Variants in NCOR1 observed in about 807,000 individuals in gnomAD.
NCOR1 encodes the protein nuclear receptor corepressor 1, also known as protein phosphatase 1, regulatory subunit 109.
A neutral mutation model predicts 288.1 loss-of-function variants in NCOR1; 63 were observed. That is an observed-to-expected ratio of 0.22 (90% CI 0.18 to 0.27). The LOEUF is 0.27. Ranked by LOEUF, NCOR1 falls within the 10% of genes least tolerant of loss-of-function variation. The pLI is 1.00. For missense variants in NCOR1, 2,397 were observed against 3,019.2 expected, an observed-to-expected ratio of 0.79 and a Z score of 4.83; for synonymous variants, 1,007 against 1,065.9, an observed-to-expected ratio of 0.94 and a Z score of 1.08.
chr17:16,059,234 A>G (rs571594095), intron 37 of NCOR1, among the ~76,000 whole-genome samples: 6 of 151,448 alleles, frequency 4.0e-5, no homozygotes, highest in African/African-American at 1.2e-4. Context: ...ACTGATTCCA[A>G]TGATTCCAAT....
At chr17:16,171,566 T>C (rs2083145219) in intron 4 of NCOR1, among the ~76,000 whole-genome samples, 1 of 152,194 alleles carries the variant, frequency 6.6e-6, no homozygotes, top group Admixed American at 6.5e-5. Context: ...AATTCTTCTT[T>C]ATGGGAGCAG....
intron 1 of NCOR1, among the ~76,000 whole-genome samples, chr17:16,205,280 C>T (rs184849192): frequency 3.3e-4 from 50 of 150,700 alleles, no homozygotes; most frequent in Non-Finnish European, 5.0e-4. Context: ...CCTGTTAAAA[C>T]GCAATAACCC....
intron 43 of NCOR1, 72 bp downstream of exon 43, chr17:16,040,369 C>T: frequency 8.2e-7 from 1 of 1,226,378 alleles, no homozygotes; most frequent in Non-Finnish European, 1.2e-6. Flanking sequence ...AGTTGGTACT[C>T]AGTACATATT....
In NCOR1 at chr17:16,169,209, G is replaced by A. The variant is rs1463986097; in HGVS notation, c.435+2594C>T. On this transcript the variant is annotated intron_variant, in intron 4 of 45. Coordinates refer to ENST00000268712, the MANE Select transcript of NCOR1 (RefSeq NM_006311.4). ...AGGGGGCACATTAAAATATTCATAC[G>A]GGCTGACTCTGGACACACTGCCTTA... Among the ~76,000 whole-genome samples the A allele has an allele frequency of 4.6e-5, 7 of 151,964 alleles. No homozygotes were observed. The East Asian group carries it at 7.7e-4, about 17-fold the overall frequency.
At chr17:16,123,188 TTTG>T (rs2073344487) in intron 15 of NCOR1, among the ~76,000 whole-genome samples, 3 of 152,076 alleles carry the variant, frequency 2.0e-5, no homozygotes, top group Admixed American at 6.5e-5. Flanking sequence ...TCTCTAATCA[TTTG>T]TTGTTAACAT....
At chr17:16,128,189 C>G (rs907775640) in intron 14 of NCOR1, among the ~76,000 whole-genome samples, 3 of 152,198 alleles carry the variant, frequency 2.0e-5, no homozygotes, top group African/African-American at 4.8e-5. Flanking sequence ...CTCCAATCAC[C>G]ATCCTGCCAC....
chr17:16,114,889 G>A (rs1371808381), intron 18 of NCOR1, among the ~76,000 whole-genome samples: 1 of 152,126 alleles, frequency 6.6e-6, no homozygotes, highest in African/African-American at 2.4e-5. Context: ...GAGGATGGTG[G>A]CCCTCTTCTT....
chr17:16,059,020 T>C (rs975725978), intron 37 of NCOR1, among the ~76,000 whole-genome samples: 1 of 136,528 alleles, frequency 7.3e-6, no homozygotes, highest in Non-Finnish European at 1.5e-5. Context: ...TTGCACTCCA[T>C]TCTGGGCAAC....
rs73981452 is a variant in NCOR1 at position 16,103,019 on chromosome 17, G to C, written c.2183-1262C>G. On this transcript the variant is annotated intron_variant, in intron 19 of 45. Coordinates refer to ENST00000268712, the MANE Select transcript of NCOR1 (RefSeq NM_006311.4). ...AGATTTTTAATTTAATGTTGTAACA[G>C]ATCTTTCCCCATATCGTTTATATTG... Among the ~76,000 whole-genome samples, 320 of 152,294 alleles carry C rather than the reference G, an allele frequency of 2.1e-3. 2 individuals carry two copies. Among genetic ancestry groups the C allele is most frequent in the African/African-American group, 7.3e-3 (305 of 41,570 alleles).
At chr17:16,141,013 G>GAAAAAAAAAAAAAAAAAAAAAA (rs75591454) in intron 11 of NCOR1, among the ~76,000 whole-genome samples, 9 of 142,352 alleles carry the variant, frequency 6.3e-5, no homozygotes, top group African/African-American at 1.4e-4. Context: ...AAAAAAAAAG[G>GAAAAAAAAAAAAAAAAAAAAAA]AAAATTCACT....
chr17:16,198,953 G>T (rs181992723), intron 1 of NCOR1, among the ~76,000 whole-genome samples: 1 of 151,846 alleles, frequency 6.6e-6, no homozygotes, highest in African/African-American at 2.4e-5. Context: ...TGGCCTAAAT[G>T]ATTAGAAACC....
intron 1 of NCOR1, among the ~76,000 whole-genome samples, chr17:16,212,692 CCA>C (rs1568727008): frequency 1.3e-5 from 2 of 152,144 alleles, no homozygotes; most frequent in African/African-American, 4.8e-5. Context: ...ACATCAACCC[CCA>C]GTCTATCCAA....
At chr17:16,136,824 A>G (rs1359086950) in intron 14 of NCOR1, among the ~76,000 whole-genome samples, 3 of 151,226 alleles carry the variant, frequency 2.0e-5, no homozygotes, top group East Asian at 1.9e-4. Context: ...AAAAAAAAAA[A>G]AAAAGAAAGA....
intron 4 of NCOR1, among the ~76,000 whole-genome samples, chr17:16,166,935 G>C (rs977156399): frequency 4.6e-5 from 7 of 152,158 alleles, no homozygotes; most frequent in Non-Finnish European, 1.0e-4. Flanking sequence ...CATGTGTTGT[G>C]AAGCCTTTCT....
At chr17:16,202,241 A>AT (rs894813687) in intron 1 of NCOR1, among the ~76,000 whole-genome samples, 6 of 150,764 alleles carry the variant, frequency 4.0e-5, no homozygotes, top group South Asian at 2.1e-4. Context: ...AAAAAAAAAA[A>AT]ATACAAAAAA....
chr17:16,093,519 T>C (rs2065777417), intron 21 of NCOR1, among the ~76,000 whole-genome samples: 2 of 152,130 alleles, frequency 1.3e-5, no homozygotes, highest in African/African-American at 4.8e-5. Flanking sequence ...TGTCCAATAC[T>C]TAAAAAAATA....
intron 6 of NCOR1, among the ~76,000 whole-genome samples, chr17:16,155,681 C>T (rs2079635726): frequency 2.0e-5 from 3 of 152,148 alleles, no homozygotes; most frequent in South Asian, 4.1e-4. Context: ...AATGGTCCCT[C>T]GATCTCTTAA....
intron 3 of NCOR1, among the ~76,000 whole-genome samples, chr17:16,184,251 C>A (rs2086137504): frequency 1.3e-5 from 2 of 152,054 alleles, no homozygotes; most frequent in South Asian, 4.1e-4. Context: ...TAAAAAGCTT[C>A]TGAAAACAAC....
At chr17:16,089,218 C>A (rs2064768814) in intron 22 of NCOR1, among the ~76,000 whole-genome samples, 1 of 150,704 alleles carries the variant, frequency 6.6e-6, no homozygotes, top group Non-Finnish European at 1.5e-5. Flanking sequence ...AAAACAGCAA[C>A]AGCAACAAAA....
Sources: allele counts gnomAD v4.1 joint callset (sites outside exome capture counted in the v4.1 genomes callset), GRCh38; gene constraint gnomAD v4.1.1; transcripts MANE v1.5; gene names NCBI Gene and HGNC (gene_info 2026-07-23, HGNC 2026-07-21).